MACROD2: variants seen among roughly 807,000 people sequenced by gnomAD.
The protein encoded by MACROD2 is mono-ADP ribosylhydrolase 2, also known as ADP-ribose glycohydrolase MACROD2.
In MACROD2, 36 loss-of-function variants were observed where a neutral mutation model predicts 70.4. That is an observed-to-expected ratio of 0.51 (90% CI 0.39 to 0.68). MACROD2 has a LOEUF of 0.68. Ranked by LOEUF, MACROD2 falls within the 30% of genes least tolerant of loss-of-function variation. The pLI, the probability that MACROD2 is intolerant of heterozygous loss-of-function variation, is 0.00. For synonymous variants in MACROD2, 172 were observed against 178.8 expected, an observed-to-expected ratio of 0.96 and a Z score of 0.30; for missense variants, 496 against 538.4, an observed-to-expected ratio of 0.92 and a Z score of 0.78.
At chr20:14,423,224 A>G (rs1275108222) in intron 3 of MACROD2, among the ~76,000 whole-genome samples, 2 of 152,140 alleles carry the variant, frequency 1.3e-5, no homozygotes. Context: ...AGACACCACA[A>G]AATTTTCTAT....
intron 6 of MACROD2, among the ~76,000 whole-genome samples, chr20:15,399,508 A>G (rs115954074): frequency 1.1e-3 from 171 of 152,296 alleles, no homozygotes; most frequent in African/African-American, 3.9e-3. Context: ...CATTTCCTGA[A>G]CATTCCTCTT....
chr20:15,304,027 C>G (rs1453711714), intron 6 of MACROD2, among the ~76,000 whole-genome samples: 1 of 152,124 alleles, frequency 6.6e-6, no homozygotes, highest in Non-Finnish European at 1.5e-5. Context: ...TTTCACAATT[C>G]TTCTTGGCCT....
chr20:14,130,930 G>GTTTTTTTTT (rs11087075), intron 3 of MACROD2, among the ~76,000 whole-genome samples: 6 of 109,656 alleles, frequency 5.5e-5, no homozygotes, highest in Admixed American at 8.4e-5. Flanking sequence ...TGTTTTTTTT[G>GTTTTTTTTT]TTTTTTTTTT....
At chr20:14,952,320 C>G (rs149018605) in intron 5 of MACROD2, among the ~76,000 whole-genome samples, 3 of 152,158 alleles carry the variant, frequency 2.0e-5, no homozygotes, top group Admixed American at 1.3e-4. Flanking sequence ...TATAATGTTG[C>G]CATCTAATAG....
At chr20:14,160,488 T>G (rs1185743034) in intron 3 of MACROD2, among the ~76,000 whole-genome samples, 7 of 152,186 alleles carry the variant, frequency 4.6e-5, no homozygotes, top group African/African-American at 1.7e-4. Flanking sequence ...TTATCTCCTC[T>G]AGGTTTTCTG....
intron 3 of MACROD2, among the ~76,000 whole-genome samples, chr20:14,465,954 G>T (rs1480442668): frequency 6.6e-6 from 1 of 152,044 alleles, no homozygotes; most frequent in Non-Finnish European, 1.5e-5. Flanking sequence ...TTTCTCTCTG[G>T]CTGCCCTTAA....
chr20:15,444,896 T>C (rs1212656392), intron 7 of MACROD2, among the ~76,000 whole-genome samples: 3 of 152,140 alleles, frequency 2.0e-5, no homozygotes, highest in African/African-American at 7.2e-5. Flanking sequence ...CAAAGATTAA[T>C]TGGATAATGC....
chr20:14,007,288 T>A lies in MACROD2; in HGVS notation c.163+4884T>A, dbSNP rs188544704. Among the ~76,000 whole-genome samples, 250 of 152,328 alleles carry A rather than the reference T, an allele frequency of 1.6e-3. 2 individuals are homozygous for A. Among genetic ancestry groups the A allele is most frequent in the African/African-American group, 5.9e-3 (245 of 41,590 alleles). ...TTCCCTTATTTACTGATTTTCAGAT[T>A]GAGTTCATTCCCTAAAATCCTCCAC... On this transcript the variant is annotated intron_variant, in intron 2 of 17. Transcript: ENST00000684519.
chr20:14,763,498 G>A lies in MACROD2; in HGVS notation c.418+78539G>A, dbSNP rs563340631. ...GTAAGAGGTCAGGGATGCATGTGAA[G>A]GGACCGTGATCTAGGTGAAAAGTGA... On this transcript the variant is annotated intron_variant, in intron 5 of 17. Transcript: ENST00000684519. 8.5e-4 allele frequency among the ~76,000 whole-genome samples: 130 copies of A among 152,212 alleles called. 3 individuals are homozygous for A. The highest frequency in any genetic ancestry group is 2.7e-3 in the African/African-American group (114 of 41,508).
intron 5 of MACROD2, among the ~76,000 whole-genome samples, chr20:15,101,159 T>C (rs1427542017): frequency 6.6e-6 from 1 of 152,160 alleles, no homozygotes; most frequent in Admixed American, 6.6e-5. Flanking sequence ...AATAACTGCA[T>C]TAAAAAGGTA....
chr20:16,016,656 C>T (rs1285772659), intron 15 of MACROD2, among the ~76,000 whole-genome samples: 1 of 152,214 alleles, frequency 6.6e-6, no homozygotes, highest in African/African-American at 2.4e-5. Flanking sequence ...CTGCCTCAGC[C>T]TCCCGAGTAG....
At chr20:15,598,209 T>C (rs894340796) in intron 8 of MACROD2, among the ~76,000 whole-genome samples, 3 of 152,228 alleles carry the variant, frequency 2.0e-5, no homozygotes, top group Non-Finnish European at 4.4e-5. Flanking sequence ...GTTTGAAGTT[T>C]AAATTATTAT....
intron 10 of MACROD2, among the ~76,000 whole-genome samples, chr20:15,912,759 G>T (rs904346720): frequency 1.3e-5 from 2 of 152,086 alleles, no homozygotes; most frequent in East Asian, 1.9e-4. Context: ...ACCAAATAAG[G>T]TTATAAAACA....
At chr20:14,181,752 C>T (rs373300628) in intron 3 of MACROD2, among the ~76,000 whole-genome samples, 10 of 152,044 alleles carry the variant, frequency 6.6e-5, no homozygotes, top group African/African-American at 9.7e-5. Flanking sequence ...TGTGACCTTT[C>T]GTGTCTGGCT....
chr20:14,818,499 G>A (rs1316298345), intron 5 of MACROD2, among the ~76,000 whole-genome samples: 3 of 152,024 alleles, frequency 2.0e-5, no homozygotes, highest in African/African-American at 7.2e-5. Context: ...GGGTATTTTA[G>A]TAACTGCATC....
At chr20:14,556,716 A>G (rs1979056405) in intron 4 of MACROD2, among the ~76,000 whole-genome samples, 2 of 152,038 alleles carry the variant, frequency 1.3e-5, no homozygotes, top group Admixed American at 1.3e-4. Flanking sequence ...TATCCAAAGC[A>G]ATATACTTTT....
At chr20:14,965,078 C>T (rs1277411286) in intron 5 of MACROD2, among the ~76,000 whole-genome samples, 1 of 152,098 alleles carries the variant, frequency 6.6e-6, no homozygotes, top group African/African-American at 2.4e-5. Flanking sequence ...TTTGATGAAC[C>T]TGTTTTCATG....
intron 3 of MACROD2, among the ~76,000 whole-genome samples, chr20:14,394,699 C>T (rs1298082151): frequency 1.3e-5 from 2 of 152,214 alleles, no homozygotes; most frequent in East Asian, 3.9e-4. Context: ...TTCGGTCTTT[C>T]CCCATTGGGT....
At chr20:15,638,900 G>C (rs6110698) in intron 8 of MACROD2, among the ~76,000 whole-genome samples, 11,583 of 152,254 alleles carry the variant, frequency 0.076, 587 homozygotes, top group Middle Eastern at 0.14. Flanking sequence ...GAACAGAGTT[G>C]AAATATTCAG....
Sources: gnomAD v4.1 joint callset for allele counts (sites outside exome capture counted in the v4.1 genomes callset) on GRCh38, gnomAD v4.1.1 for gene constraint, MANE v1.5 for transcripts, NCBI Gene and HGNC (gene_info 2026-07-23, HGNC 2026-07-21) for gene names.